Variants in TMC3 observed in about 807,000 individuals in gnomAD.
TMC3 encodes the protein transmembrane channel-like protein 3.
TMC3 carries 98 observed loss-of-function variants against 110.6 expected under a neutral mutation model. That is an observed-to-expected ratio of 0.89 (90% CI 0.75 to 1.05). The LOEUF (loss-of-function observed/expected upper bound fraction) is 1.05, where lower values mean the gene tolerates loss of function less well. TMC3 is among the 50% of genes least tolerant of loss of function. The pLI is 0.00. For synonymous variants in TMC3, 489 were observed against 513.1 expected (o/e 0.95, Z 0.63); for missense variants, 1,319 against 1,373.2 (o/e 0.96, Z 0.62).
Position 81,334,777 on chromosome 15 carries a change from GCCCTGTC to G in TMC3, c.2395_2401del (p.Asp799LeufsTer14), listed in dbSNP as rs1596077698. The G allele has an allele frequency of 1.2e-6, 2 of 1,614,032 alleles. No individual in the cohort carries two copies. The highest frequency in any genetic ancestry group is 1.7e-6 in the Non-Finnish European group (2 of 1,179,884). ...GACCCCAGGGAGAGGTGAGCTAGGAGCCCTGTCCCCTGGCCTCGGGCTCTGGGGCATG... is the reference window on the plus strand; with the variant it reads ...GACCCCAGGGAGAGGTGAGCTAGGAGCCCTGGCCTCGGGCTCTGGGGCATG... On this transcript the variant is annotated frameshift_variant, in exon 21 of 22. Transcript: ENST00000359440. LOFTEE classifies it high-confidence loss of function.
At chr15:81,357,965 T>C (rs1894101703) in intron 7 of TMC3, among the ~76,000 whole-genome samples, 184 bp downstream of exon 7, 1 of 152,240 alleles carries the variant, frequency 6.6e-6, no homozygotes, top group African/African-American at 2.4e-5. Context: ...GATACAGTTA[T>C]GCCTTAACTT....
At chr15:81,336,514 G>A (rs977122834) in intron 20 of TMC3, 95 bp downstream of exon 20, 1 of 1,201,104 alleles carries the variant, frequency 8.3e-7, no homozygotes. Context: ...GTTGCAGTGA[G>A]CCGAGATCAC....
In TMC3 at chr15:81,331,462, T is replaced by A. The variant is rs1893460067; in HGVS notation, c.*957A>T. On this transcript the variant is annotated 3_prime_UTR_variant, in exon 22 of 22. Coordinates refer to ENST00000359440, the MANE Select transcript of TMC3 (RefSeq NM_001080532.3). Reference sequence around the variant, plus strand: ...GTTAGTGTTCTTCTTTAACTTAGACTATGGGGGAGCTACACTACACTTAGC... The same window carrying A: ...GTTAGTGTTCTTCTTTAACTTAGACAATGGGGGAGCTACACTACACTTAGC... The A allele has an allele frequency of 6.6e-6, 1 of 152,176 alleles. No homozygotes were observed. Among genetic ancestry groups the A allele is most frequent in the African/African-American group, 2.4e-5 (1 of 41,448 alleles). 9.4% of individuals were successfully genotyped at this position (152,176 alleles called of 1,614,324 possible). A position where few individuals can be genotyped will look rare whatever the true frequency, so the allele number is the denominator to read the frequency against.
intron 18 of TMC3, 130 bp downstream of exon 18, chr15:81,338,525 G>A (rs1893645056): frequency 8.1e-7 from 1 of 1,231,064 alleles, no homozygotes; most frequent in Non-Finnish European, 1.1e-6. Flanking sequence ...TCCCTGTTGA[G>A]ATCATCAGGC....
chr15:81,355,212 C>T lies in TMC3; in HGVS notation c.935+513G>A, dbSNP rs550095095. Among the ~76,000 whole-genome samples, 11 of 152,258 alleles carry T rather than the reference C, an allele frequency of 7.2e-5. No homozygotes were observed. The South Asian group carries it at 2.1e-3, about 29-fold the overall frequency. On this transcript the variant is annotated intron_variant, in intron 9 of 21. Transcript: ENST00000359440. ...CCAGTAAGGATGTGGGATGAACAGA[C>T]CTACCTGTCTTCATGAGGTCAGGGC... is the stretch of plus-strand genomic sequence containing the variant.
intron 9 of TMC3, among the ~76,000 whole-genome samples, chr15:81,354,541 G>A (rs778897387): frequency 6.6e-6 from 1 of 152,166 alleles, no homozygotes; most frequent in Non-Finnish European, 1.5e-5. Flanking sequence ...GATCTTGTGG[G>A]TTCCCTATGC....
chr15:81,359,274 A>G, intron 5 of TMC3, 91 bp downstream of exon 5: 1 of 926,778 alleles, frequency 1.1e-6, no homozygotes, highest in Non-Finnish European at 1.6e-6. Flanking sequence ...ATATATTTTC[A>G]TCCCCACAAT....
At chr15:81,354,335 T>C in intron 9 of TMC3, among the ~76,000 whole-genome samples, 1 of 152,164 alleles carries the variant, frequency 6.6e-6, no homozygotes, top group East Asian at 1.9e-4. Context: ...TACAAGGATA[T>C]GCAATGGGGT....
chr15:81,332,293 C>T lies in TMC3; in HGVS notation c.*126G>A, dbSNP rs1164423346. ...CAGCCTCAGGGCCTCAGCTAGCAGC[C>T]GCTGACCATGCCCCTCAGGTCTCTA... On this transcript the variant is annotated 3_prime_UTR_variant, in exon 22 of 22. Transcript: ENST00000359440. The T allele has an allele frequency of 4.4e-6, 6 of 1,360,158 alleles. No homozygotes were observed. Among genetic ancestry groups the T allele is most frequent in the South Asian group, 3.1e-5 (2 of 64,332 alleles). The allele number at this position is 1,360,158 out of a possible 1,614,324, so 84.3% of individuals were successfully genotyped here.
intron 3 of TMC3, among the ~76,000 whole-genome samples, chr15:81,367,683 A>G (rs1894345675): frequency 6.6e-6 from 1 of 152,214 alleles, no homozygotes; most frequent in South Asian, 2.1e-4. Context: ...GAAAGGTGCT[A>G]GATCACTTTT....
At position 81,332,492 on chromosome 15, in the gene TMC3, G is replaced by A. The variant is rs1317788983; in HGVS notation, c.3230C>T (p.Pro1077Leu). ...CCCCGACTTGGCCTTCCTCCTGCTGGGCTGGCCCACGGACCTCGGGAACCT... is the reference window on the plus strand; with the variant it reads ...CCCCGACTTGGCCTTCCTCCTGCTGAGCTGGCCCACGGACCTCGGGAACCT... ...QGRFPRSVGQ[P>L]SRRKAKSGQE... The change falls in exon 22 of 22, where the codon CCC becomes CTC. Residue 1077 changes from proline to leucine, a missense_variant. Physicochemically the swap from Pro to Leu is moderately conservative, Grantham distance 98 (BLOSUM62 -3). Coordinates refer to ENST00000359440, the MANE Select transcript of TMC3 (RefSeq NM_001080532.3). 4 of 1,613,286 alleles carry A rather than the reference G, an allele frequency of 2.5e-6. No homozygotes were observed. The highest frequency in any genetic ancestry group is 3.4e-6 in the Non-Finnish European group (4 of 1,179,644).
chr15:81,339,201 GCA>G lies in TMC3; in HGVS notation c.1955+191_1955+192del, dbSNP rs1173353234. On this transcript the variant is annotated intron_variant, in intron 17 of 21. Coordinates refer to ENST00000359440, the MANE Select transcript of TMC3 (RefSeq NM_001080532.3). ...AAAAGGATTGTGTTTTTTAACATGAGCACAGAGATGATTATACTAAGGGCAGC... is the reference window on the plus strand; with the variant it reads ...AAAAGGATTGTGTTTTTTAACATGAGCAGAGATGATTATACTAAGGGCAGC... Among the ~76,000 whole-genome samples the G allele has an allele frequency of 2.6e-5, 4 of 152,314 alleles. No individual in the cohort carries two copies. The East Asian group carries it at 7.7e-4, about 29-fold the overall frequency.
At chr15:81,371,389 T>A (rs1312867208) in intron 2 of TMC3, among the ~76,000 whole-genome samples, 1 of 152,170 alleles carries the variant, frequency 6.6e-6, no homozygotes, top group Non-Finnish European at 1.5e-5. Context: ...GGGAAAGAAA[T>A]GCAAGCCTAA....
At chr15:81,373,199 T>A (rs1400906323) in intron 1 of TMC3, among the ~76,000 whole-genome samples, 2 of 152,160 alleles carry the variant, frequency 1.3e-5, no homozygotes, top group Non-Finnish European at 2.9e-5. Flanking sequence ...CTTCTGCCAC[T>A]CAGAAACCCC....
chr15:81,347,400 G>C (rs1031005909), intron 11 of TMC3, among the ~76,000 whole-genome samples: 2 of 152,204 alleles, frequency 1.3e-5, no homozygotes, highest in Non-Finnish European at 2.9e-5. Flanking sequence ...AGTGGGCAGA[G>C]AAACAGGAAA....
At chr15:81,367,722 T>C (rs1894346158) in intron 3 of TMC3, among the ~76,000 whole-genome samples, 1 of 152,138 alleles carries the variant, frequency 6.6e-6, no homozygotes, top group South Asian at 2.1e-4. Context: ...GAATTAGGCT[T>C]ACCCAGTTTC....
chr15:81,348,995 AT>A (rs1040212254), intron 11 of TMC3, among the ~76,000 whole-genome samples: 5 of 151,502 alleles, frequency 3.3e-5, no homozygotes, highest in South Asian at 2.1e-4. Context: ...AATTTTTTAA[AT>A]TTTTTTTTAT....
At position 81,341,392 on chromosome 15, in the gene TMC3, T is replaced by A. The variant is rs1893710503; in HGVS notation, c.1842A>T (p.Ser614=). Residue 614 remains serine (S), a splice_region_variant and synonymous_variant, in exon 16 of 22, where the codon TCA becomes TCT. Transcript: ENST00000359440. ...GATCAGATCTTATTCTTACTCACCT[T>A]GAGGCTCGAAATACTTGCTGGTGGG... The part of the protein sequence containing the change: ...NVPHQQVFRA[S]RSNNFYLAML... 6.2e-7 allele frequency: 1 copy of A among 1,609,702 alleles called. No homozygotes were observed. Among genetic ancestry groups the A allele is most frequent in the African/African-American group, 1.3e-5 (1 of 74,826 alleles).
rs529759962 is a variant in TMC3, at chr15:81,358,234, C to T, written c.658G>A (p.Gly220Arg). ...YGYYGRERKI[G>R]RAGYRLPLAY... ...AAGGGCAGCCGGTAGCCAGCTCTCC[C>T]GATCTTCCTCTCCCTGCCGTAATAT... Residue 220 changes from glycine (G) to arginine (R), a missense_variant, in exon 7 of 22, where the codon GGG becomes AGG. Gly to Arg is a moderately radical substitution (Grantham distance 125). Coordinates refer to ENST00000359440, the MANE Select transcript of TMC3 (RefSeq NM_001080532.3). The T allele has an allele frequency of 2.1e-5, 34 of 1,613,426 alleles. No homozygotes were observed. The highest frequency in any genetic ancestry group is 6.6e-5 in the South Asian group (6 of 90,960).
Sources: allele counts gnomAD v4.1 joint callset (sites outside exome capture counted in the v4.1 genomes callset), GRCh38; gene constraint gnomAD v4.1.1; transcripts MANE v1.5; gene names NCBI Gene and HGNC (gene_info 2026-07-23, HGNC 2026-07-21).